Variants in AP4M1 observed in about 807,000 individuals in gnomAD.
AP4M1 encodes AP-4 complex subunit mu-1.
A neutral mutation model predicts 62.4 loss-of-function variants in AP4M1; 58 were observed. The observed-to-expected ratio is 0.93, with a 90% CI of 0.75 to 1.16. The LOEUF (loss-of-function observed/expected upper bound fraction) is 1.16. Among genes scored for constraint, AP4M1 ranks in the 50% most tolerant of loss-of-function variants. The pLI is 0.00. For missense variants in AP4M1, 626 were observed against 585.4 expected, an observed-to-expected ratio of 1.07 and a Z score of -0.72; for synonymous variants, 290 against 239.7, an observed-to-expected ratio of 1.21 and a Z score of -1.94.
Position 100,102,859 on chromosome 7 carries a change from C to T in AP4M1, c.255-5C>T. On this transcript the variant is annotated splice_region_variant and splice_polypyrimidine_tract_variant and intron_variant, in intron 3 of 14. Coordinates refer to ENST00000359593, the MANE Select transcript of AP4M1 (RefSeq NM_004722.4). ...AGAAAATACACGCTCCAAGTGTTTC[C>T]TCAGGTTGGCCACCCTTCTGGGCGA... is the stretch of plus-strand genomic sequence containing the variant. The T allele has an allele frequency of 6.2e-7, 1 of 1,614,074 alleles. No homozygotes were observed. Among genetic ancestry groups the T allele is most frequent in the Non-Finnish European group, 8.5e-7 (1 of 1,180,002 alleles).
In AP4M1 at chr7:100,107,353, G is replaced by A; in HGVS notation, c.*471G>A. 3 of 1,560,042 alleles carry A rather than the reference G, an allele frequency of 1.9e-6. No individual in the cohort carries two copies. In the South Asian group the frequency reaches 3.6e-5, roughly 19 times the overall value. Reference sequence around the variant, plus strand: ...CCAGCCTCCTGCTTCCCCCCACAAAGGGCACTGCCGCTGAGTGGGGACGGG... The same window carrying A: ...CCAGCCTCCTGCTTCCCCCCACAAAAGGCACTGCCGCTGAGTGGGGACGGG... On this transcript the variant is annotated 3_prime_UTR_variant, in exon 15 of 15. Coordinates refer to ENST00000359593, the MANE Select transcript of AP4M1 (RefSeq NM_004722.4).
upstream of AP4M1, chr7:100,101,217 G>A (rs763188631): frequency 2.7e-5 from 43 of 1,610,702 alleles, no homozygotes; most frequent in South Asian, 4.3e-4. Flanking sequence ...GGTGTTCCCC[G>A]GGAGGCTCCC....
In AP4M1 at chr7:100,107,247, C is replaced by T. The variant is rs1796607109; in HGVS notation, c.*365C>T. ...ATCCGGGGGCTGGCAGGTGGAGCAT[C>T]ACGGAGCAGGCTGAGGGGAGCCGGA... On this transcript the variant is annotated 3_prime_UTR_variant, in exon 15 of 15. Transcript: ENST00000359593. 6.6e-7 allele frequency: 1 copy of T among 1,523,184 alleles called. No homozygotes were observed. Among genetic ancestry groups the T allele is most frequent in the African/African-American group, 1.4e-5 (1 of 71,900 alleles). 94.4% of individuals were successfully genotyped at this position (1,523,184 alleles called of 1,614,324 possible). A position where few individuals can be genotyped will look rare whatever the true frequency, so the allele number is the denominator to read the frequency against.
chr7:100,103,103 G>GCT, intron 4 of AP4M1, 143 bp downstream of exon 4: 1 of 721,386 alleles, frequency 1.4e-6, no homozygotes, highest in Non-Finnish European at 2.2e-6. Context: ...ACAGGGTCTT[G>GCT]CTCTGTTGCC....
chr7:100,103,035 T>G (rs1796185818), intron 4 of AP4M1, 75 bp downstream of exon 4: 3 of 1,262,544 alleles, frequency 2.4e-6, no homozygotes, highest in Non-Finnish European at 3.5e-6. Flanking sequence ...TACTGTGGGA[T>G]GCCGTGGTTA....
Position 100,108,226 on chromosome 7 carries a change from T to G in AP4M1, c.*1344T>G, listed in dbSNP as rs1162172737. ...CTCGCTCTTCCTCAGTGGCTCTCAC[T>G]AGGGCTGGGGCATCCTCACTCAGGG... On this transcript the variant is annotated 3_prime_UTR_variant, in exon 15 of 15. Transcript: ENST00000359593. 6.9e-7 allele frequency: 1 copy of G among 1,459,834 alleles called. No homozygotes were observed. The highest frequency in any genetic ancestry group is 1.4e-5 in the African/African-American group (1 of 71,498). The allele number at this position is 1,459,834 out of a possible 1,614,324, so 90.4% of individuals were successfully genotyped here.
At chr7:100,103,377 G>A (rs1796216992) in intron 4 of AP4M1, 32 bp from the exon 5 acceptor site, 2 of 1,584,638 alleles carry the variant, frequency 1.3e-6, no homozygotes, top group Non-Finnish European at 1.7e-6. Flanking sequence ...TCCCTCCACT[G>A]ATCACTCAGA....
In AP4M1 at chr7:100,108,570, G is replaced by A. The variant is rs1203054032; in HGVS notation, c.*1688G>A. The stretch of plus-strand genomic sequence containing the variant: ...AGAACAGAAAAAAAGCCAGGTAGAG[G>A]GAGGGCTGGGGAAAAAAGCCAGGTA... On this transcript the variant is annotated 3_prime_UTR_variant, in exon 15 of 15. Coordinates refer to ENST00000359593, the MANE Select transcript of AP4M1 (RefSeq NM_004722.4). 1.3e-6 allele frequency: 2 copies of A among 1,567,366 alleles called. No homozygotes were observed. Among genetic ancestry groups the A allele is most frequent in the Non-Finnish European group, 1.7e-6 (2 of 1,153,014 alleles).
intron 11 of AP4M1, 60 bp downstream of exon 11, chr7:100,105,599 C>A: frequency 6.7e-7 from 1 of 1,502,048 alleles, no homozygotes; most frequent in South Asian, 1.1e-5. Flanking sequence ...CCTGTATGTT[C>A]CCAAGACTCA....
chr7:100,106,622 T>C (rs774117979), intron 14 of AP4M1, 36 bp from the exon 15 acceptor site: 1 of 1,592,412 alleles, frequency 6.3e-7, no homozygotes. Context: ...GTCAGCTTCT[T>C]GCCCTCCTTC....
At chr7:100,103,289 C>A in intron 4 of AP4M1, 120 bp from the exon 5 acceptor site, 1 of 867,364 alleles carries the variant, frequency 1.2e-6, no homozygotes, top group Non-Finnish European at 1.9e-6. Context: ...AGCCATTCTC[C>A]TACGTCTCGG....
rs1053754395 is a variant in AP4M1 at position 100,107,246 on chromosome 7, T to C, written c.*364T>C. 1.3e-6 allele frequency: 2 copies of C among 1,522,906 alleles called. No homozygotes were observed. The highest frequency in any genetic ancestry group is 1.8e-6 in the Non-Finnish European group (2 of 1,138,708). The allele number at this position is 1,522,906 out of a possible 1,614,324, so 94.3% of individuals were successfully genotyped here. Reference sequence around the variant, plus strand: ...AATCCGGGGGCTGGCAGGTGGAGCATCACGGAGCAGGCTGAGGGGAGCCGG... The same window carrying C: ...AATCCGGGGGCTGGCAGGTGGAGCACCACGGAGCAGGCTGAGGGGAGCCGG... On this transcript the variant is annotated 3_prime_UTR_variant, in exon 15 of 15. Transcript: ENST00000359593.
At chr7:100,106,098 C>T (rs1796450248) in intron 12 of AP4M1, 95 bp downstream of exon 12, 1 of 1,558,144 alleles carries the variant, frequency 6.4e-7, no homozygotes, top group East Asian at 2.2e-5. Flanking sequence ...CAGCTGCCAG[C>T]CTCAGAAGCC....
rs576398700 is a variant in AP4M1, at chr7:100,103,811, G to C, written c.543+119G>C. Reference sequence around the variant, plus strand: ...AGTCCCAGCACTTTGGGAGGCCGAGGTGGGCAGATCACCTGATGCCAGGAG... The same window carrying C: ...AGTCCCAGCACTTTGGGAGGCCGAGCTGGGCAGATCACCTGATGCCAGGAG... On this transcript the variant is annotated intron_variant, in intron 6 of 14. Coordinates refer to ENST00000359593, the MANE Select transcript of AP4M1 (RefSeq NM_004722.4). 10 of 1,122,242 alleles carry C rather than the reference G, an allele frequency of 8.9e-6. No individual in the cohort carries two copies. In the South Asian group the frequency reaches 1.1e-4, roughly 13 times the overall value. 69.5% of individuals were successfully genotyped at this position (1,122,242 alleles called of 1,614,324 possible). A position where few individuals can be genotyped will look rare whatever the true frequency, so the allele number is the denominator to read the frequency against.
rs751068724 is a variant in AP4M1 at position 100,101,740 on chromosome 7, C to T, written c.26C>T (p.Ser9Phe). Residue 9 changes from serine (S) to phenylalanine (F), a missense_variant, in exon 1 of 15, where the codon TCC becomes TTC. Coordinates refer to ENST00000359593, the MANE Select transcript of AP4M1 (RefSeq NM_004722.4). MISQFFILSSKGDPLIYKD... is the reference protein window; with the variant it reads MISQFFILFSKGDPLIYKD... ...ATGATTTCCCAATTCTTCATTCTGT[C>T]CTCCAAGGGGGACCCGCTCATCTAC... 33 of 1,613,778 alleles carry T rather than the reference C, an allele frequency of 2.0e-5. No individual in the cohort carries two copies. The highest frequency in any genetic ancestry group is 4.5e-5 in the East Asian group (2 of 44,892).
At position 100,105,319 on chromosome 7, in the gene AP4M1, C is replaced by A. The variant is rs755494077; in HGVS notation, c.807C>A (p.Ile269=). Residue 269 remains isoleucine (I), a synonymous_variant, in exon 10 of 15, where the codon ATC becomes ATA. Coordinates refer to ENST00000359593, the MANE Select transcript of AP4M1 (RefSeq NM_004722.4). ...VNLDEFESHR[I]LRLQPPQGEL... is the part of the protein sequence containing the mutation. ...TGGACGAATTTGAGTCTCATCGAAT[C>A]CTCCGCTTGCAACCACCTCAGGGCG... The A allele has an allele frequency of 6.2e-7, 1 of 1,614,102 alleles. No individual in the cohort carries two copies.
upstream of AP4M1, chr7:100,100,955 C>G: frequency 3.8e-6 from 4 of 1,049,494 alleles, no homozygotes; most frequent in Non-Finnish European, 5.1e-6. Context: ...CCTTAAGACT[C>G]TCCTGAGGTC....
At chr7:100,103,191 C>A in intron 4 of AP4M1, 1 of 657,104 alleles carries the variant, frequency 1.5e-6, no homozygotes. Flanking sequence ...CCTGCCCCAG[C>A]CTCCCCTGTG....
Position 100,105,476 on chromosome 7 carries a change from ACCTCCCCTCACCGCTCC to A in AP4M1, c.870_886del (p.Ser292AlafsTer23), listed in dbSNP as rs1172371334. On this transcript the variant is annotated frameshift_variant, in exon 11 of 15. Coordinates refer to ENST00000359593, the MANE Select transcript of AP4M1 (RefSeq NM_004722.4). LOFTEE classifies it high-confidence loss of function. ...GTGATGCGGTACCAACTCTCCGATG[ACCTCCCCTCACCGCTCC>A]CCTTCCGGCTCTTCCCCTCTGTGCA... 6.2e-7 allele frequency: 1 copy of A among 1,613,184 alleles called. No individual in the cohort carries two copies. The highest frequency in any genetic ancestry group is 2.2e-5 in the East Asian group (1 of 44,852).
Sources: gnomAD v4.1 joint callset for allele counts on GRCh38, gnomAD v4.1.1 for gene constraint, MANE v1.5 for transcripts, NCBI Gene and HGNC (gene_info 2026-07-23, HGNC 2026-07-21) for gene names.